Variants in PCDHGA8 observed in about 807,000 individuals in gnomAD.
PCDHGA8 encodes protocadherin gamma subfamily A, 8.
A neutral mutation model predicts 59.2 loss-of-function variants in PCDHGA8; 45 were observed. The observed-to-expected ratio is 0.76, with a 90% CI of 0.60 to 0.98. The LOEUF is 0.98. PCDHGA8 is among the 50% of genes least tolerant of loss of function. PCDHGA8 has a pLI of 0.00. For synonymous variants in PCDHGA8, 531 were observed against 519.0 expected (o/e 1.02, Z -0.32); for missense variants, 1,257 against 1,196.2 (o/e 1.05, Z -0.75).
intron 1 of PCDHGA8, chr5:141,403,053 C>A: frequency 6.2e-7 from 1 of 1,614,076 alleles, no homozygotes; most frequent in Non-Finnish European, 8.5e-7. Context: ...ATTCGCTACT[C>A]AGTGCCTGAA....
In PCDHGA8 at chr5:141,478,182, A is replaced by T. The variant is rs777228133; in HGVS notation, c.2425-16625A>T. The T allele has an allele frequency of 5.0e-6, 8 of 1,613,866 alleles. No individual in the cohort carries two copies. In the South Asian group the frequency reaches 8.8e-5, roughly 18 times the overall value. ...TCTGCCCCCCGGGAGCAGAAAAAAA[A>T]TCTCACCTTTTATCTACTTCTTTCT... is the stretch of plus-strand genomic sequence containing the variant. On this transcript the variant is annotated intron_variant, in intron 1 of 3. Transcript: ENST00000398604.
At chr5:141,409,429 C>T (rs767514268) in intron 1 of PCDHGA8, 3 of 1,613,872 alleles carry the variant, frequency 1.9e-6, no homozygotes, top group African/African-American at 1.3e-5. Flanking sequence ...CAGATGGAGC[C>T]CTGGACCGAG....
chr5:141,410,068 C>T (rs2095353806), intron 1 of PCDHGA8: 1 of 1,612,832 alleles, frequency 6.2e-7, no homozygotes, highest in Non-Finnish European at 8.5e-7. Context: ...TGGGGCTGCG[C>T]ACTGGGGAGG....
chr5:141,398,787 A>G, intron 1 of PCDHGA8: 2 of 1,613,902 alleles, frequency 1.2e-6, no homozygotes, highest in Non-Finnish European at 1.7e-6. Flanking sequence ...GTGGACATCC[A>G]CCCCTAAGCG....
intron 1 of PCDHGA8, chr5:141,399,985 G>A (rs775731140): frequency 6.2e-7 from 1 of 1,612,396 alleles, no homozygotes; most frequent in South Asian, 1.1e-5. Flanking sequence ...GCTGCGCACA[G>A]GAGAGGTGCG....
chr5:141,398,088 C>T lies in PCDHGA8; in HGVS notation c.2424+2851C>T, dbSNP rs781722295. On this transcript the variant is annotated intron_variant, in intron 1 of 3. Coordinates refer to ENST00000398604, the MANE Select transcript of PCDHGA8 (RefSeq NM_032088.2). ...AATACAGAGGTTATTTGTAACCTGGCGTCTCCAGGCTGGTGAGCAAGCTGA... is the reference window on the plus strand; with the variant it reads ...AATACAGAGGTTATTTGTAACCTGGTGTCTCCAGGCTGGTGAGCAAGCTGA... The T allele has an allele frequency of 1.1e-5, 18 of 1,598,420 alleles. 1 individual carries two copies. In the South Asian group the frequency reaches 1.9e-4, roughly 17 times the overall value.
chr5:141,484,944 AG>A (rs1354711871), intron 1 of PCDHGA8: 1 of 546,450 alleles, frequency 1.8e-6, no homozygotes, highest in Non-Finnish European at 3.3e-6. Context: ...TTCTCTGCTC[AG>A]CCTATTGGCT....
intron 1 of PCDHGA8, chr5:141,427,774 G>T: frequency 1.4e-6 from 2 of 1,420,908 alleles, no homozygotes; most frequent in Non-Finnish European, 2.0e-6. Context: ...TTGGAGCTGC[G>T]GGCACTGTCG....
chr5:141,402,153 T>A (rs2094231712), intron 1 of PCDHGA8, among the ~76,000 whole-genome samples: 1 of 152,166 alleles, frequency 6.6e-6, no homozygotes, highest in Non-Finnish European at 1.5e-5. Flanking sequence ...TTAGCAATAT[T>A]AGGCGAGAAC....
rs1264017483 is a variant in PCDHGA8 at position 141,477,989 on chromosome 5, A to G, written c.2425-16818A>G. The G allele has an allele frequency of 5.6e-6, 9 of 1,614,086 alleles. No individual in the cohort carries two copies. The highest frequency in any genetic ancestry group is 1.6e-4 in the Middle Eastern group (1 of 6,062). On this transcript the variant is annotated intron_variant, in intron 1 of 3. Coordinates refer to ENST00000398604, the MANE Select transcript of PCDHGA8 (RefSeq NM_032088.2). The surrounding 1 kb of genome is among the most constrained non-coding windows in gnomAD (Gnocchi z 4.9). ...GAGCCTTTTTGCCATAGGGCTGCACACTGGTCAAATCAGTACTGCCCGTCC... is the reference window on the plus strand; with the variant it reads ...GAGCCTTTTTGCCATAGGGCTGCACGCTGGTCAAATCAGTACTGCCCGTCC...
chr5:141,422,655 C>T (rs188587553), intron 1 of PCDHGA8: 2 of 1,610,120 alleles, frequency 1.2e-6, no homozygotes, highest in Admixed American at 3.3e-5. Flanking sequence ...TCTCAGTGAC[C>T]GCCCTCGACC....
intron 2 of PCDHGA8, among the ~76,000 whole-genome samples, chr5:141,498,815 C>T (rs1595543994): frequency 6.6e-6 from 1 of 152,032 alleles, no homozygotes. Flanking sequence ...CACCTGTAGT[C>T]CCAGCTACTC....
At position 141,393,671 on chromosome 5, in the gene PCDHGA8, A is replaced by G; in HGVS notation, c.858A>G (p.Glu286=). The change falls in exon 1 of 4, where the codon GAA becomes GAG. Residue 286 remains glutamate (E), a synonymous_variant. Coordinates refer to ENST00000398604, the MANE Select transcript of PCDHGA8 (RefSeq NM_032088.2). ...CATACAAATTCCGGAAAATTAATGA[A>G]AAACAAACTCCGTTATTCCAGCTTA... ...KVAYKFRKIN[E]KQTPLFQLNE... 6.2e-7 allele frequency: 1 copy of G among 1,613,944 alleles called. No individual in the cohort carries two copies. Among genetic ancestry groups the G allele is most frequent in the Non-Finnish European group, 8.5e-7 (1 of 1,179,908 alleles).
intron 1 of PCDHGA8, among the ~76,000 whole-genome samples, chr5:141,444,357 G>C (rs1258703336): frequency 3.3e-5 from 5 of 151,798 alleles, no homozygotes; most frequent in African/African-American, 9.7e-5. Flanking sequence ...TTTTAGTAGA[G>C]ACGGGGTTTC....
rs1309124846 is a variant in PCDHGA8, at chr5:141,491,295, T to C, written c.2425-3512T>C. On this transcript the variant is annotated intron_variant, in intron 1 of 3. Coordinates refer to ENST00000398604, the MANE Select transcript of PCDHGA8 (RefSeq NM_032088.2). This position sits in a 1 kb window ranked among gnomAD's most constrained non-coding sequence, Gnocchi z 6.9. ...CCAGTGACTTCCTCATACACCCTCC[T>C]GAGCGTTCAGACCTTACCCTTTACC... The C allele has an allele frequency of 6.2e-7, 1 of 1,614,176 alleles. No homozygotes were observed. Among genetic ancestry groups the C allele is most frequent in the Non-Finnish European group, 8.5e-7 (1 of 1,179,994 alleles).
In PCDHGA8 at chr5:141,415,072, G is replaced by A. The variant is rs558067255; in HGVS notation, c.2424+19835G>A. On this transcript the variant is annotated intron_variant, in intron 1 of 3. Coordinates refer to ENST00000398604, the MANE Select transcript of PCDHGA8 (RefSeq NM_032088.2). ...GGAGCACACGGGCGAGGTGCGCACG[G>A]CGCGAGCCCTGCTGGACAGAGACGC... 6.2e-5 allele frequency: 100 copies of A among 1,613,418 alleles called. No individual in the cohort carries two copies. The East Asian group carries it at 2.0e-3, about 32-fold the overall frequency.
At chr5:141,413,724 C>T (rs751084568) in intron 1 of PCDHGA8, 2 of 1,613,426 alleles carry the variant, frequency 1.2e-6, no homozygotes, top group East Asian at 2.2e-5. Context: ...AGCACTTCTC[C>T]CTAAGAGTTC....
At chr5:141,419,762 A>G in intron 1 of PCDHGA8, 1 of 1,614,008 alleles carries the variant, frequency 6.2e-7, no homozygotes, top group Non-Finnish European at 8.5e-7. Context: ...TTTGGGTGAC[A>G]AGGACTCGGT....
intron 1 of PCDHGA8, chr5:141,422,697 C>T (rs1406213402): frequency 3.7e-6 from 6 of 1,603,284 alleles, no homozygotes; most frequent in South Asian, 1.1e-5. Flanking sequence ...TGGTCACTTA[C>T]TCTCTGACGG....
Sources: allele counts gnomAD v4.1 joint callset (sites outside exome capture counted in the v4.1 genomes callset), GRCh38; gene constraint gnomAD v4.1.1; non-coding constraint Gnocchi (gnomAD v3.1); transcripts MANE v1.5; gene names NCBI Gene and HGNC (gene_info 2026-07-23, HGNC 2026-07-21).